TGFB2: variants seen among roughly 807,000 people sequenced by gnomAD.
TGFB2 encodes transforming growth factor beta 2, also known as transforming growth factor beta-2 proprotein.
A neutral mutation model predicts 42.7 loss-of-function variants in TGFB2; 13 were observed. The observed-to-expected ratio is 0.30, with a 90% CI of 0.20 to 0.48. The LOEUF is 0.48. Ranked by LOEUF, TGFB2 falls within the 20% of genes least tolerant of loss-of-function variation. The pLI, the probability that TGFB2 is intolerant of heterozygous loss-of-function variation, is 0.99. For missense variants in TGFB2, 390 were observed against 517.5 expected, an observed-to-expected ratio of 0.75 and a Z score of 2.39; for synonymous variants, 193 against 193.6, an observed-to-expected ratio of 1.00 and a Z score of 0.03.
At chr1:218,374,520 C>T (rs188922634) in intron 1 of TGFB2, among the ~76,000 whole-genome samples, 13 of 152,294 alleles carry the variant, frequency 8.5e-5, no homozygotes, top group African/African-American at 2.9e-4. Context: ...AATTGCCTAC[C>T]AGAAGCAGTT....
At position 218,444,120 on chromosome 1, in the gene TGFB2, AAGGACAGTCACTTC is replaced by A. The variant is rs889945494; in HGVS notation, c.*2761_*2774del. 6 of 152,120 alleles carry A rather than the reference AAGGACAGTCACTTC, an allele frequency of 3.9e-5. No individual in the cohort carries two copies. Among genetic ancestry groups the A allele is most frequent in the African/African-American group, 1.4e-4 (6 of 41,426 alleles). The allele number at this position is 152,120 out of a possible 1,614,324, so 9.4% of individuals were successfully genotyped here. A position where few individuals can be genotyped will look rare whatever the true frequency, so the allele number is the denominator to read the frequency against. ...GATTGCCCTCTGTGCTTTCTCCCTT[AAGGACAGTCACTTC>A]AGAAGTCATGCTTTAAAGCACAAGA... is the stretch of plus-strand genomic sequence containing the variant. On this transcript the variant is annotated 3_prime_UTR_variant, in exon 7 of 7. Coordinates refer to ENST00000366930, the MANE Select transcript of TGFB2 (RefSeq NM_003238.6).
At chr1:218,410,083 A>G (rs1163748995) in intron 2 of TGFB2, among the ~76,000 whole-genome samples, 1 of 152,236 alleles carries the variant, frequency 6.6e-6, no homozygotes, top group Non-Finnish European at 1.5e-5. Flanking sequence ...CTCGGCACAG[A>G]TGTTGGTTTC....
chr1:218,381,800 G>A (rs572953566), intron 1 of TGFB2, among the ~76,000 whole-genome samples: 1 of 152,170 alleles, frequency 6.6e-6, no homozygotes, highest in African/African-American at 2.4e-5. Context: ...AGAGGTAGTA[G>A]ATGAGATAGT....
intron 1 of TGFB2, among the ~76,000 whole-genome samples, chr1:218,360,248 A>G (rs937038449): frequency 6.6e-6 from 1 of 152,164 alleles, no homozygotes; most frequent in African/African-American, 2.4e-5. Context: ...AACACTGTGT[A>G]TTTTTGTTTT....
chr1:218,375,428 G>A (rs1451224824), intron 1 of TGFB2, among the ~76,000 whole-genome samples: 1 of 133,864 alleles, frequency 7.5e-6, no homozygotes, highest in African/African-American at 2.6e-5. Context: ...TTCCTAAAAT[G>A]AGAGTTAATT....
At chr1:218,405,565 C>T in intron 2 of TGFB2, 1 of 598,614 alleles carries the variant, frequency 1.7e-6, no homozygotes, top group Non-Finnish European at 2.9e-6. Context: ...TACGAGGTCT[C>T]ACCGTGTTGC....
rs572574986 is a variant in TGFB2, at chr1:218,409,479, G to A, written c.510+4147G>A. On this transcript the variant is annotated intron_variant, in intron 2 of 6. Transcript: ENST00000366930. ...GTTCTCCAACTTTCCTTTTGTCTCC[G>A]GCTGCCATTTGGAGGTCTTTGTAGT... Among the ~76,000 whole-genome samples, 22 of 152,016 alleles carry A rather than the reference G, an allele frequency of 1.4e-4. No homozygotes were observed. In the Middle Eastern group the frequency reaches 0.01, roughly 71 times the overall value.
intron 2 of TGFB2, among the ~76,000 whole-genome samples, chr1:218,428,943 C>T (rs1487286269): frequency 3.4e-5 from 5 of 148,634 alleles, no homozygotes; most frequent in East Asian, 2.0e-4. Flanking sequence ...GCCATTTTCA[C>T]GATATTGATT....
intron 1 of TGFB2, among the ~76,000 whole-genome samples, chr1:218,368,211 C>T (rs1657449764): frequency 6.6e-6 from 1 of 152,088 alleles, no homozygotes; most frequent in Admixed American, 6.5e-5. Context: ...GCAGCGTGAT[C>T]TCGGCTCACT....
Position 218,397,266 on chromosome 1 carries a change from T to TA in TGFB2, c.347-7888dup, listed in dbSNP as rs1246321855. Among the ~76,000 whole-genome samples the TA allele has an allele frequency of 8.4e-3, 819 of 97,626 alleles. 20 individuals are homozygous for TA. The East Asian group carries it at 0.1, about 12-fold the overall frequency. The allele number at this position is 97,626 out of a possible 152,430, so 64.0% of individuals were successfully genotyped here. ...CTGGGCCACAGAGCAAGACTCCATCTAAAAAAAAAAAAAAAGGCCGGGCGC... is the reference window on the plus strand; with the variant it reads ...CTGGGCCACAGAGCAAGACTCCATCTAAAAAAAAAAAAAAAAGGCCGGGCGC... On this transcript the variant is annotated intron_variant, in intron 1 of 6. Transcript: ENST00000366930.
chr1:218,424,833 C>T (rs1241202640), intron 2 of TGFB2, among the ~76,000 whole-genome samples: 1 of 152,188 alleles, frequency 6.6e-6, no homozygotes, highest in Non-Finnish European at 1.5e-5. Flanking sequence ...AAGTAGTGAC[C>T]AGAACAAGGG....
At chr1:218,376,146 G>T (rs1478764776) in intron 1 of TGFB2, among the ~76,000 whole-genome samples, 3 of 152,136 alleles carry the variant, frequency 2.0e-5, no homozygotes, top group African/African-American at 7.2e-5. Flanking sequence ...TAAAAATGTG[G>T]TAAGTGCGTA....
At chr1:218,366,449 A>G (rs1657390171) in intron 1 of TGFB2, among the ~76,000 whole-genome samples, 1 of 152,044 alleles carries the variant, frequency 6.6e-6, no homozygotes, top group South Asian at 2.1e-4. Context: ...TAGGACCACA[A>G]GTGTGCACCA....
In TGFB2 at chr1:218,345,955, A is replaced by G. The variant is rs986585139; in HGVS notation, c.-747A>G. 4.6e-5 allele frequency among the ~76,000 whole-genome samples: 7 copies of G among 151,930 alleles called. No homozygotes were observed. Among genetic ancestry groups the G allele is most frequent in the Middle Eastern group, 3.4e-3 (1 of 292 alleles). ...AGAGCAGGATCCGCGCCGCCTCAGC[A>G]GCCTCTGCGGCCCCTGCGGCACCCG... On this transcript the variant is annotated 5_prime_UTR_variant, in exon 1 of 7. Transcript: ENST00000366930.
intron 1 of TGFB2, among the ~76,000 whole-genome samples, chr1:218,380,376 G>A (rs1269225624): frequency 6.6e-6 from 1 of 152,088 alleles, no homozygotes; most frequent in African/African-American, 2.4e-5. Context: ...AACTCACATG[G>A]TGCACACACA....
At chr1:218,383,935 A>T (rs927364218) in intron 1 of TGFB2, among the ~76,000 whole-genome samples, 1 of 152,282 alleles carries the variant, frequency 6.6e-6, no homozygotes. Flanking sequence ...CAACACAAGA[A>T]TGCTTTTCCT....
chr1:218,394,774 C>A (rs1045405941), intron 1 of TGFB2, among the ~76,000 whole-genome samples: 1 of 152,166 alleles, frequency 6.6e-6, no homozygotes, highest in Non-Finnish European at 1.5e-5. Flanking sequence ...GTGACTTGAA[C>A]GTCAGCAGTG....
At chr1:218,363,477 G>C (rs1657285339) in intron 1 of TGFB2, 2 of 1,518,338 alleles carry the variant, frequency 1.3e-6, no homozygotes. Flanking sequence ...TCCATCTTTA[G>C]TGTTTGTCTC....
intron 2 of TGFB2, among the ~76,000 whole-genome samples, chr1:218,407,294 G>T (rs1430965311): frequency 1.4e-4 from 22 of 152,066 alleles, no homozygotes; most frequent in Admixed American, 1.4e-3. Flanking sequence ...GCCAAGGCTG[G>T]TCTCTTAATT....
Sources: allele counts gnomAD v4.1 joint callset (sites outside exome capture counted in the v4.1 genomes callset), GRCh38; gene constraint gnomAD v4.1.1; transcripts MANE v1.5; gene names NCBI Gene and HGNC (gene_info 2026-07-23, HGNC 2026-07-21).